The following DLGAP1 variants were observed in gnomAD, a reference collection of about 807,000 sequenced individuals.
DLGAP1 encodes DLG associated protein 1.
A neutral mutation model predicts 90.8 loss-of-function variants in DLGAP1; 11 were observed. The observed-to-expected ratio is 0.12, with a 90% confidence interval of 0.08 to 0.20. DLGAP1 has a LOEUF of 0.20. Among genes scored for constraint, DLGAP1 ranks in the 10% least tolerant of loss-of-function variants. DLGAP1 has a pLI of 1.00. For missense variants in DLGAP1, 1,050 were observed against 1,333.8 expected (o/e 0.79, Z 3.31); for synonymous variants, 558 against 540.7 (o/e 1.03, Z -0.44).
chr18:4,209,920 G>A (rs756265210), intron 1 of DLGAP1, among the ~76,000 whole-genome samples: 9 of 152,126 alleles, frequency 5.9e-5, no homozygotes, highest in Non-Finnish European at 1.3e-4. Context: ...CTACTCCTTC[G>A]TTCATTGCAA....
intron 1 of DLGAP1, among the ~76,000 whole-genome samples, chr18:4,158,324 A>G (rs1166384992): frequency 6.6e-6 from 1 of 152,184 alleles, no homozygotes; most frequent in Non-Finnish European, 1.5e-5. Context: ...AAAAACTAGT[A>G]GAAAAAGTCA....
chr18:3,729,446 G>T lies in DLGAP1; in HGVS notation c.1351-71C>A. ...AGGATCAACCTCTCCAAGCATCTGC[G>T]AACTTCAATCCCCAGAAGAAAAAGC... On this transcript the variant is annotated intron_variant, in intron 6 of 12. Transcript: ENST00000315677. The surrounding 1 kb of genome is among the most constrained non-coding windows in gnomAD (Gnocchi z 6.2). 1 of 1,547,528 alleles carries T rather than the reference G, an allele frequency of 6.5e-7. No individual in the cohort carries two copies. The highest frequency in any genetic ancestry group is 1.2e-5 in the South Asian group (1 of 81,092).
intron 7 of DLGAP1, chr18:3,594,411 AC>A (rs1244822962): frequency 7.9e-6 from 1 of 126,262 alleles, no homozygotes; most frequent in East Asian, 2.5e-4. Context: ...GGGCAGTCCT[AC>A]TCTCTAGTGT....
Position 4,320,550 on chromosome 18 carries a change from T to C in DLGAP1, c.-267+134456A>G, listed in dbSNP as rs187368024. On this transcript the variant is annotated intron_variant, in intron 1 of 12. Transcript: ENST00000315677. ...ATACAGAAAGCCAACAGGCAAGATG[T>C]GAAACACGGAACTGTATAATCAATG... 3.9e-3 allele frequency among the ~76,000 whole-genome samples: 594 copies of C among 152,228 alleles called. 1 individual carries two copies. The highest frequency in any genetic ancestry group is 9.6e-3 in the Admixed American group (147 of 15,290).
intron 1 of DLGAP1, among the ~76,000 whole-genome samples, chr18:4,367,924 C>G (rs1472787489): frequency 6.6e-6 from 1 of 152,040 alleles, no homozygotes; most frequent in East Asian, 1.9e-4. Flanking sequence ...ATTTTCTCAA[C>G]AATTTTCAAA....
At chr18:4,135,538 T>C (rs1322423929) in intron 2 of DLGAP1, among the ~76,000 whole-genome samples, 1 of 152,190 alleles carries the variant, frequency 6.6e-6, no homozygotes, top group Non-Finnish European at 1.5e-5. Context: ...TTTAGCTTGA[T>C]AGTGTTATTC....
At chr18:4,070,356 C>CT (rs999007470) in intron 2 of DLGAP1, among the ~76,000 whole-genome samples, 6 of 151,810 alleles carry the variant, frequency 4.0e-5, no homozygotes, top group Non-Finnish European at 5.9e-5. Context: ...CCACAGAAAT[C>CT]TTTTTTTTAT....
intron 4 of DLGAP1, among the ~76,000 whole-genome samples, chr18:3,871,574 G>T (rs906769189): frequency 6.6e-5 from 10 of 152,114 alleles, no homozygotes; most frequent in African/African-American, 2.2e-4. Context: ...TTATTAAGGG[G>T]ACTAAAACCT....
intron 4 of DLGAP1, among the ~76,000 whole-genome samples, chr18:3,817,830 CAG>C (rs1445106269): frequency 6.6e-6 from 1 of 152,094 alleles, no homozygotes; most frequent in Admixed American, 6.5e-5. Flanking sequence ...TTCAGCTGCA[CAG>C]AGAGAAAAGA....
intron 1 of DLGAP1, among the ~76,000 whole-genome samples, chr18:4,170,161 A>G (rs1001684828): frequency 6.6e-6 from 1 of 152,186 alleles, no homozygotes; most frequent in East Asian, 1.9e-4. Flanking sequence ...AGGTAGGAAG[A>G]GTAAGATTCT....
chr18:3,645,912 T>C (rs1439752916), intron 7 of DLGAP1, among the ~76,000 whole-genome samples: 1 of 152,238 alleles, frequency 6.6e-6, no homozygotes, highest in Non-Finnish European at 1.5e-5. Context: ...TAATATGTCA[T>C]GTTTGGAAAC....
intron 5 of DLGAP1, among the ~76,000 whole-genome samples, chr18:3,762,831 G>A (rs575752145): frequency 6.6e-6 from 1 of 152,256 alleles, no homozygotes; most frequent in African/African-American, 2.4e-5. Flanking sequence ...TAATCTTGAT[G>A]ACTCTTTTCT....
chr18:4,057,010 C>CACAA (rs1352065333), intron 2 of DLGAP1, among the ~76,000 whole-genome samples: 1 of 21,416 alleles, frequency 4.7e-5, no homozygotes, highest in Non-Finnish European at 8.6e-5. Flanking sequence ...TACATACACA[C>CACAA]ACACACACAC....
chr18:3,878,570 G>A (rs1350966827), intron 4 of DLGAP1, among the ~76,000 whole-genome samples: 2 of 152,152 alleles, frequency 1.3e-5, no homozygotes, highest in Admixed American at 1.3e-4. Context: ...GCGTCTTCCT[G>A]ATTTGCTGTG....
intron 1 of DLGAP1, among the ~76,000 whole-genome samples, chr18:4,235,443 G>A (rs1185563601): frequency 1.3e-5 from 2 of 152,114 alleles, no homozygotes; most frequent in African/African-American, 2.4e-5. Flanking sequence ...ATGTTGGCCT[G>A]TAAAATAGCA....
chr18:4,453,270 A>G (rs543310997), intron 1 of DLGAP1, among the ~76,000 whole-genome samples: 1 of 152,312 alleles, frequency 6.6e-6, no homozygotes, highest in African/African-American at 2.4e-5. Flanking sequence ...GGTAGCGTTT[A>G]TAACTTAAAC....
At chr18:4,253,442 ACT>A (rs1313255200) in intron 1 of DLGAP1, among the ~76,000 whole-genome samples, 1 of 152,072 alleles carries the variant, frequency 6.6e-6, no homozygotes, top group Non-Finnish European at 1.5e-5. Flanking sequence ...GCAGAGTCTC[ACT>A]CTGTCACCCA....
At chr18:3,714,482 G>A (rs746972407) in intron 7 of DLGAP1, among the ~76,000 whole-genome samples, 10 of 152,110 alleles carry the variant, frequency 6.6e-5, no homozygotes, top group Admixed American at 5.9e-4. Flanking sequence ...TGGATAACAC[G>A]TACAGTTCCT....
intron 7 of DLGAP1, chr18:3,680,260 G>A (rs1043078865): frequency 3.3e-5 from 5 of 152,276 alleles, no homozygotes; most frequent in African/African-American, 1.2e-4. Context: ...AATTGCTTAG[G>A]GTTAATTGAA....
Sources: gnomAD v4.1 joint callset for allele counts (sites outside exome capture counted in the v4.1 genomes callset) on GRCh38, gnomAD v4.1.1 for gene constraint, Gnocchi (gnomAD v3.1) non-coding constraint, MANE v1.5 for transcripts, NCBI Gene and HGNC (gene_info 2026-07-23, HGNC 2026-07-21) for gene names.